The following ARMH3 variants were observed in gnomAD, a reference collection of about 807,000 sequenced individuals.
ARMH3 encodes the protein armadillo like helical domain containing 3.
ARMH3 carries 60 observed loss-of-function variants against 99.1 expected under a neutral mutation model. That is an observed-to-expected ratio of 0.61 (90% CI 0.49 to 0.75). The LOEUF is 0.75. Ranked by LOEUF, ARMH3 falls within the 30% of genes least tolerant of loss-of-function variation. The probability of loss-of-function intolerance (pLI) is 0.00; values close to 1 mark genes in which losing one functional copy is unlikely to be tolerated. For synonymous variants in ARMH3, 285 were observed against 292.8 expected, an observed-to-expected ratio of 0.97 and a Z score of 0.27; for missense variants, 679 against 843.1, an observed-to-expected ratio of 0.81 and a Z score of 2.41.
intron 24 of ARMH3, among the ~76,000 whole-genome samples, chr10:101,879,372 T>A (rs933632207): frequency 1.3e-5 from 2 of 150,690 alleles, no homozygotes; most frequent in Admixed American, 6.6e-5. Flanking sequence ...TTTTTTTTTT[T>A]AAGTTTCACT....
chr10:101,986,057 CACAA>C (rs1478218925), intron 19 of ARMH3, among the ~76,000 whole-genome samples: 4 of 151,940 alleles, frequency 2.6e-5, no homozygotes, highest in Non-Finnish European at 2.9e-5. Context: ...CACACACACA[CACAA>C]ACACACACAC....
At chr10:101,904,485 T>G (rs968639677) in intron 23 of ARMH3, among the ~76,000 whole-genome samples, 1 of 152,140 alleles carries the variant, frequency 6.6e-6, no homozygotes, top group Non-Finnish European at 1.5e-5. Context: ...TTACTTTGAC[T>G]TGTTACTTAA....
rs775212899 is a variant in ARMH3, at chr10:102,033,330, G to C, written c.112C>G (p.Pro38Ala). The C allele has an allele frequency of 8.7e-6, 14 of 1,613,898 alleles. No homozygotes were observed. Among genetic ancestry groups the C allele is most frequent in the Admixed American group, 1.7e-5 (1 of 59,942 alleles). The change falls in exon 3 of 26, where the codon CCC becomes GCC. Residue 38 changes from proline (P) to alanine (A), a missense_variant. Physicochemically the swap from Pro to Ala is conservative, Grantham distance 27 (BLOSUM62 -1). This residue lies in a region of ARMH3 where 280 missense variants were observed against 354.6 expected (regional missense o/e 0.79). Transcript: ENST00000370033. ...MYDEIFMTED[P>A]SKCSPRFWEE... is the part of the protein sequence containing the mutation. The stretch of plus-strand genomic sequence containing the variant: ...CAAAACCGAGGACTGCACTTACTGG[G>C]GTCCTCTGTCTGAAACCAGAATATA...
chr10:102,034,464 A>G (rs569399708), intron 2 of ARMH3, among the ~76,000 whole-genome samples: 2 of 151,766 alleles, frequency 1.3e-5, no homozygotes, highest in East Asian at 3.9e-4. Flanking sequence ...GTGACACCCC[A>G]TCTCTACTAA....
At chr10:101,914,667 A>T (rs1319619772) in intron 23 of ARMH3, among the ~76,000 whole-genome samples, 1 of 151,608 alleles carries the variant, frequency 6.6e-6, no homozygotes, top group Non-Finnish European at 1.5e-5. Flanking sequence ...GGAGTTCGAG[A>T]CCAGCCTGGC....
chr10:102,003,457 T>C (rs61873630), intron 14 of ARMH3, among the ~76,000 whole-genome samples: 8,901 of 152,278 alleles, frequency 0.058, 265 homozygotes, highest in Middle Eastern at 0.099. Flanking sequence ...CCACTGTGCC[T>C]GGCCCAGAAC....
At chr10:101,973,172 A>G (rs1020932292) in intron 20 of ARMH3, among the ~76,000 whole-genome samples, 1 of 152,086 alleles carries the variant, frequency 6.6e-6, no homozygotes, top group Non-Finnish European at 1.5e-5. Context: ...CATCCTGCCT[A>G]ACACGGTGAA....
At chr10:101,959,045 T>C (rs1472739487) in intron 20 of ARMH3, among the ~76,000 whole-genome samples, 5 of 152,206 alleles carry the variant, frequency 3.3e-5, no homozygotes, top group Admixed American at 3.3e-4. Context: ...TTATAAACTC[T>C]TTACCCCGGC....
chr10:102,015,064 C>T (rs1471934011), intron 8 of ARMH3, among the ~76,000 whole-genome samples: 6 of 152,196 alleles, frequency 3.9e-5, no homozygotes, highest in African/African-American at 1.4e-4. Context: ...GAGAAAGAGA[C>T]AGCTTTGCTT....
intron 22 of ARMH3, among the ~76,000 whole-genome samples, chr10:101,940,676 C>T (rs1286633112): frequency 6.6e-6 from 1 of 152,090 alleles, no homozygotes; most frequent in Non-Finnish European, 1.5e-5. Context: ...TTTTCAATTC[C>T]CACCTATGAG....
chr10:101,890,306 C>T (rs2067657904), intron 23 of ARMH3, among the ~76,000 whole-genome samples: 1 of 151,940 alleles, frequency 6.6e-6, no homozygotes, highest in South Asian at 2.1e-4. Context: ...TGCAGTGGCA[C>T]AATCATGGCT....
intron 23 of ARMH3, chr10:101,889,792 C>T: frequency 3.3e-6 from 1 of 306,068 alleles, no homozygotes; most frequent in Non-Finnish European, 6.3e-6. Context: ...GAAAGGGAAC[C>T]CAGAGGGCTG....
intron 24 of ARMH3, among the ~76,000 whole-genome samples, chr10:101,859,923 C>T (rs2066823376): frequency 6.6e-6 from 1 of 152,044 alleles, no homozygotes; most frequent in South Asian, 2.1e-4. Flanking sequence ...CAAAGAGACA[C>T]AGTGACCAAG....
chr10:101,946,700 A>G (rs1421585484), intron 22 of ARMH3, among the ~76,000 whole-genome samples: 4 of 152,146 alleles, frequency 2.6e-5, no homozygotes, highest in Non-Finnish European at 5.9e-5. Context: ...TTGTGATACT[A>G]TAGTCTCAGA....
At chr10:101,912,526 T>C (rs1392935546) in intron 23 of ARMH3, among the ~76,000 whole-genome samples, 1 of 152,208 alleles carries the variant, frequency 6.6e-6, no homozygotes, top group African/African-American at 2.4e-5. Context: ...ACATCAAACT[T>C]GTATCCTACA....
intron 15 of ARMH3, among the ~76,000 whole-genome samples, chr10:102,001,578 G>A (rs756586815): frequency 6.6e-6 from 1 of 152,068 alleles, no homozygotes; most frequent in Non-Finnish European, 1.5e-5. Flanking sequence ...TACTGTGTAC[G>A]ACAGTCCTCT....
intron 24 of ARMH3, among the ~76,000 whole-genome samples, chr10:101,862,749 G>A (rs2135321902): frequency 6.6e-6 from 1 of 151,496 alleles, no homozygotes; most frequent in East Asian, 1.9e-4. Context: ...GGCAGAAAAA[G>A]AAAAAGAACA....
intron 1 of ARMH3, among the ~76,000 whole-genome samples, chr10:102,053,108 ACT>A (rs1397846025): frequency 4.0e-5 from 6 of 150,310 alleles, no homozygotes; most frequent in East Asian, 1.9e-4. Context: ...CTTTCTTCAG[ACT>A]CTCAGTCAAT....
chr10:101,960,740 A>G (rs945334008), intron 20 of ARMH3, among the ~76,000 whole-genome samples: 7 of 151,956 alleles, frequency 4.6e-5, no homozygotes, highest in African/African-American at 1.7e-4. Context: ...AAATACAAAA[A>G]TTAGCCAGGC....
Sources: allele counts gnomAD v4.1 joint callset (sites outside exome capture counted in the v4.1 genomes callset), GRCh38; gene constraint gnomAD v4.1.1; regional missense constraint gnomAD v4.1.1; transcripts MANE v1.5; gene names NCBI Gene and HGNC (gene_info 2026-07-23, HGNC 2026-07-21).